Variants in ADGRV1 observed in about 807,000 individuals in gnomAD.
ADGRV1 encodes the protein G-protein coupled receptor 98.
A neutral mutation model predicts 596.2 loss-of-function variants in ADGRV1; 359 were observed. That is an observed-to-expected ratio of 0.60 (90% CI 0.55 to 0.66). The LOEUF (loss-of-function observed/expected upper bound fraction) is 0.66. Among genes scored for constraint, ADGRV1 ranks in the 30% least tolerant of loss-of-function variants. The pLI, the probability that ADGRV1 is intolerant of heterozygous loss-of-function variation, is 0.00. For synonymous variants in ADGRV1, 2,681 were observed against 2,679.2 expected (o/e 1.00, Z -0.02); for missense variants, 7,274 against 7,575.6 (o/e 0.96, Z 1.48).
intron 1 of ADGRV1, among the ~76,000 whole-genome samples, chr5:90,609,196 G>A (rs1762451974): frequency 6.6e-6 from 1 of 152,038 alleles, no homozygotes; most frequent in Non-Finnish European, 1.5e-5. Flanking sequence ...GATTGACTGT[G>A]GGTAGGAGCA....
chr5:91,096,892 GC>G (rs1790920146), intron 86 of ADGRV1, among the ~76,000 whole-genome samples: 1 of 152,018 alleles, frequency 6.6e-6, no homozygotes, highest in Admixed American at 6.6e-5. Context: ...ACTCCTCCCA[GC>G]CCCTGGTAAC....
intron 83 of ADGRV1, among the ~76,000 whole-genome samples, chr5:90,891,795 C>A (rs552533235): frequency 3.6e-4 from 55 of 151,786 alleles, no homozygotes; most frequent in African/African-American, 1.3e-3. Context: ...TGTCATAAAC[C>A]CGCCTGCTAT....
chr5:91,065,488 A>G (rs368500371), intron 85 of ADGRV1, among the ~76,000 whole-genome samples: 1 of 152,214 alleles, frequency 6.6e-6, no homozygotes, highest in Non-Finnish European at 1.5e-5. Flanking sequence ...TCTTTAAAAT[A>G]TAATGTAAAT....
intron 83 of ADGRV1, among the ~76,000 whole-genome samples, chr5:90,959,969 C>T (rs1174239666): frequency 6.6e-6 from 1 of 151,774 alleles, no homozygotes; most frequent in South Asian, 2.1e-4. Flanking sequence ...GAAACCCCGT[C>T]TCTACTAAAA....
chr5:91,102,381 T>C (rs1465876698), intron 87 of ADGRV1, 41 bp downstream of exon 87: 1 of 1,523,118 alleles, frequency 6.6e-7, no homozygotes, highest in African/African-American at 1.4e-5. Flanking sequence ...TACATTTATC[T>C]TAATGAACAC....
chr5:90,747,663 C>A (rs1754776288), intron 52 of ADGRV1, among the ~76,000 whole-genome samples: 1 of 152,124 alleles, frequency 6.6e-6, no homozygotes, highest in Admixed American at 6.5e-5. Context: ...CATGCAGGCA[C>A]CCTCTGCCTG....
chr5:90,867,577 A>G, intron 83 of ADGRV1, among the ~76,000 whole-genome samples: 1 of 152,202 alleles, frequency 6.6e-6, no homozygotes, highest in African/African-American at 2.4e-5. Context: ...AGTACCTAGC[A>G]TCTTTGGGAA....
intron 76 of ADGRV1, among the ~76,000 whole-genome samples, chr5:90,827,950 A>G (rs1209876148): frequency 6.6e-6 from 1 of 152,240 alleles, no homozygotes; most frequent in Non-Finnish European, 1.5e-5. Flanking sequence ...AAAATGATAC[A>G]TTATATCAAA....
At chr5:90,565,808 A>G (rs1289981981) in intron 1 of ADGRV1, among the ~76,000 whole-genome samples, 1 of 152,150 alleles carries the variant, frequency 6.6e-6, no homozygotes, top group Non-Finnish European at 1.5e-5. Flanking sequence ...CCCACCAGCA[A>G]TGTATGAGAG....
intron 58 of ADGRV1, among the ~76,000 whole-genome samples, chr5:90,761,052 A>T (rs1756460403): frequency 6.6e-6 from 1 of 152,182 alleles, no homozygotes; most frequent in African/African-American, 2.4e-5. Flanking sequence ...TTAATCACTT[A>T]TAGGTTGTCA....
chr5:91,143,420 A>T (rs1414786093), intron 87 of ADGRV1, among the ~76,000 whole-genome samples: 1 of 152,188 alleles, frequency 6.6e-6, no homozygotes, highest in African/African-American at 2.4e-5. Flanking sequence ...GAGATGAGAA[A>T]GGTGAAGAGG....
chr5:90,933,086 T>G (rs1775396255), intron 83 of ADGRV1, among the ~76,000 whole-genome samples: 1 of 152,214 alleles, frequency 6.6e-6, no homozygotes, highest in Non-Finnish European at 1.5e-5. Context: ...TTTCTCAAAT[T>G]TTTTAATCTC....
At chr5:91,034,564 G>A (rs1049643769) in intron 85 of ADGRV1, among the ~76,000 whole-genome samples, 78 of 152,140 alleles carry the variant, frequency 5.1e-4, no homozygotes, top group African/African-American at 1.8e-3. Flanking sequence ...AAGTCAGGGC[G>A]TACAGTGTCC....
intron 83 of ADGRV1, among the ~76,000 whole-genome samples, chr5:90,904,519 T>C (rs1467836645): frequency 2.6e-5 from 4 of 152,146 alleles, no homozygotes; most frequent in Admixed American, 2.6e-4. Flanking sequence ...ATCAGTGATA[T>C]TGAGCACCTT....
Position 90,710,969 on chromosome 5 carries a change from A to G in ADGRV1, c.8825-12A>G, listed in dbSNP as rs758388669. On this transcript the variant is annotated splice_polypyrimidine_tract_variant and intron_variant, in intron 39 of 89. Coordinates refer to ENST00000405460, the MANE Select transcript of ADGRV1 (RefSeq NM_032119.4). ...TATATGTATTTTAAGATATGCTTCT[A>G]TGTTTTTTAAGATTCAGAAGGTTTG... The G allele has an allele frequency of 2.6e-6, 4 of 1,535,864 alleles. No individual in the cohort carries two copies. The highest frequency in any genetic ancestry group is 2.7e-6 in the Non-Finnish European group (3 of 1,113,570).
At chr5:91,053,827 G>A (rs1786569974) in intron 85 of ADGRV1, among the ~76,000 whole-genome samples, 1 of 152,148 alleles carries the variant, frequency 6.6e-6, no homozygotes, top group Admixed American at 6.5e-5. Context: ...ACCAAACTCT[G>A]ATCTCCAGCT....
chr5:90,788,803 A>G (rs1321347628), intron 68 of ADGRV1, among the ~76,000 whole-genome samples: 2 of 151,056 alleles, frequency 1.3e-5, no homozygotes, highest in East Asian at 1.9e-4. Context: ...TTTGAGATCT[A>G]TATCAGTCAG....
chr5:90,612,685 ACT>A (rs949398434), intron 1 of ADGRV1, among the ~76,000 whole-genome samples: 4 of 152,096 alleles, frequency 2.6e-5, no homozygotes, highest in African/African-American at 9.6e-5. Flanking sequence ...TGTTATGATC[ACT>A]CTGTAAAAGT....
intron 1 of ADGRV1, among the ~76,000 whole-genome samples, chr5:90,608,468 A>G (rs1456304765): frequency 1.3e-5 from 2 of 152,118 alleles, no homozygotes; most frequent in African/African-American, 4.8e-5. Context: ...TAGAATCAAA[A>G]CAATTTTAGA....
Sources: gnomAD v4.1 joint callset for allele counts (sites outside exome capture counted in the v4.1 genomes callset) on GRCh38, gnomAD v4.1.1 for gene constraint, MANE v1.5 for transcripts, NCBI Gene and HGNC (gene_info 2026-07-23, HGNC 2026-07-21) for gene names.